USO1: variants seen among roughly 807,000 people sequenced by gnomAD.
USO1 encodes the protein USO1 vesicle transport factor.
In USO1, 57 loss-of-function variants were observed where a neutral mutation model predicts 124.5. The ratio of observed to expected loss-of-function variants is 0.46; its 90% CI spans 0.37 to 0.57. The LOEUF is 0.57. Ranked by LOEUF, USO1 falls within the 20% of genes least tolerant of loss-of-function variation. USO1 has a pLI of 0.00. For synonymous variants in USO1, 369 were observed against 362.8 expected, an observed-to-expected ratio of 1.02 and a Z score of -0.19; for missense variants, 900 against 1,040.6, an observed-to-expected ratio of 0.86 and a Z score of 1.86.
In USO1 at chr4:75,787,117, A is replaced by T; in HGVS notation, c.911A>T (p.Gln304Leu). Residue 304 changes from glutamine (Q) to leucine (L), a missense_variant, in exon 10 of 24, where the codon CAG (glutamine) becomes CTG (leucine). Gln to Leu is a moderately radical substitution (Grantham distance 113). Coordinates refer to ENST00000514213, the MANE Select transcript of USO1 (RefSeq NM_003715.4). Reference sequence around the variant, plus strand: ...CCTCCTGGTGCTACCAGTAGCTGCCAGAAGGCTATGTTCCAGTGTGGGTTA... The same window carrying T: ...CCTCCTGGTGCTACCAGTAGCTGCCTGAAGGCTATGTTCCAGTGTGGGTTA... ...TNPPGATSSC[Q>L]KAMFQCGLLQ... The T allele has an allele frequency of 6.2e-7, 1 of 1,607,950 alleles. No individual in the cohort carries two copies. The highest frequency in any genetic ancestry group is 8.5e-7 in the Non-Finnish European group (1 of 1,177,434).
At chr4:75,808,396 G>C (rs936110424) in intron 20 of USO1, among the ~76,000 whole-genome samples, 3 of 152,096 alleles carry the variant, frequency 2.0e-5, no homozygotes, top group African/African-American at 7.2e-5. Context: ...TTGAGACAGG[G>C]ATCTGATGAT....
chr4:75,812,513 A>G lies in USO1; in HGVS notation c.2799+138A>G, dbSNP rs114672433. 1.3e-3 allele frequency: 1,485 copies of G among 1,130,550 alleles called. 24 individuals carry two copies. In the African/African-American group the frequency reaches 0.021, roughly 16 times the overall value. The allele number at this position is 1,130,550 out of a possible 1,614,324, so 70.0% of individuals were successfully genotyped here. ...TGGGTTCATGAATATGGTACCATCT[A>G]TACTGTTTTCACTGTTTTCATTGAA... is the stretch of plus-strand genomic sequence containing the variant. On this transcript the variant is annotated intron_variant, in intron 23 of 23. Coordinates refer to ENST00000514213, the MANE Select transcript of USO1 (RefSeq NM_003715.4).
intron 1 of USO1, among the ~76,000 whole-genome samples, chr4:75,751,947 G>A (rs1352859190): frequency 3.3e-5 from 5 of 151,792 alleles, no homozygotes; most frequent in Non-Finnish European, 5.9e-5. Context: ...ACTTCTTCTT[G>A]TTCAGATATA....
chr4:75,737,676 G>A (rs979780287), intron 1 of USO1, among the ~76,000 whole-genome samples: 1 of 152,118 alleles, frequency 6.6e-6, no homozygotes, highest in Admixed American at 6.5e-5. Flanking sequence ...AGCCTGTACA[G>A]CAGAGCAAGA....
In USO1 at chr4:75,782,989, T is replaced by C. The variant is rs1416467796; in HGVS notation, c.855+131T>C. The C allele has an allele frequency of 4.7e-6, 6 of 1,268,850 alleles. No homozygotes were observed. The African/African-American group carries it at 9.5e-5, about 20-fold the overall frequency. The allele number at this position is 1,268,850 out of a possible 1,614,324, so 78.6% of individuals were successfully genotyped here. A position where few individuals can be genotyped will look rare whatever the true frequency, so the allele number is the denominator to read the frequency against. ...AGGTTGGCTTAAAAAAACTGTAATA[T>C]GGAAATTTGCAGTTATCCTCTAGCT... On this transcript the variant is annotated intron_variant, in intron 9 of 23. Transcript: ENST00000514213.
At chr4:75,751,603 G>A (rs1323771686) in intron 1 of USO1, among the ~76,000 whole-genome samples, 2 of 150,510 alleles carry the variant, frequency 1.3e-5, no homozygotes, top group East Asian at 4.0e-4. Flanking sequence ...GGCCGAGGCG[G>A]GTGGATCACC....
intron 1 of USO1, among the ~76,000 whole-genome samples, chr4:75,725,443 G>C (rs976817122): frequency 6.6e-6 from 1 of 152,034 alleles, no homozygotes; most frequent in South Asian, 2.1e-4. Context: ...TGGAAGAGCG[G>C]TCGTTCTGCC....
intron 1 of USO1, among the ~76,000 whole-genome samples, chr4:75,747,696 G>A (rs2904018): frequency 0.75 from 108,975 of 144,696 alleles, 41,484 homozygotes; most frequent in East Asian, 0.82. Context: ...TGCAAGCTCC[G>A]CCTCCTGGGT....
intron 18 of USO1, 33 bp from the exon 19 acceptor site, chr4:75,805,107 G>A (rs368550753): frequency 3.8e-5 from 58 of 1,515,040 alleles, no homozygotes; most frequent in South Asian, 3.4e-4. Flanking sequence ...GAAGTTTCCC[G>A]TTGGCTTTTA....
chr4:75,782,533 G>A, intron 8 of USO1, 147 bp from the exon 9 acceptor site: 1 of 1,067,150 alleles, frequency 9.4e-7, no homozygotes, highest in South Asian at 1.8e-5. Flanking sequence ...TATGGCCTGT[G>A]GCCATCAGGT....
chr4:75,731,488 C>T (rs10009902), intron 1 of USO1, among the ~76,000 whole-genome samples: 1 of 151,912 alleles, frequency 6.6e-6, no homozygotes, highest in Non-Finnish European at 1.5e-5. Flanking sequence ...CTTGAACCCA[C>T]GAGGTGGAGG....
At chr4:75,736,623 GTGT>G (rs1406793157) in intron 1 of USO1, among the ~76,000 whole-genome samples, 1 of 152,098 alleles carries the variant, frequency 6.6e-6, no homozygotes, top group Non-Finnish European at 1.5e-5. Flanking sequence ...TTTCATTGAT[GTGT>G]TTGGAGATCT....
In USO1 at chr4:75,737,931, G is replaced by A. The variant is rs538474939; in HGVS notation, c.66+13046G>A. Among the ~76,000 whole-genome samples, 524 of 151,774 alleles carry A rather than the reference G, an allele frequency of 3.5e-3. 4 individuals are homozygous for A. Among genetic ancestry groups the A allele is most frequent in the Non-Finnish European group, 5.9e-3 (399 of 67,934 alleles). On this transcript the variant is annotated intron_variant, in intron 1 of 23. Coordinates refer to ENST00000514213, the MANE Select transcript of USO1 (RefSeq NM_003715.4). ...CAACCTCCACCTCCCAGGTTCAAGCGATTCTCCTGCCTCAGCCTCCTGAGT... is the reference window on the plus strand; with the variant it reads ...CAACCTCCACCTCCCAGGTTCAAGCAATTCTCCTGCCTCAGCCTCCTGAGT...
chr4:75,758,126 G>A (rs1310464443), intron 4 of USO1, among the ~76,000 whole-genome samples: 1 of 151,690 alleles, frequency 6.6e-6, no homozygotes, highest in Non-Finnish European at 1.5e-5. Flanking sequence ...TAAAATATTT[G>A]CACACTTAAC....
chr4:75,813,758 T>C lies in USO1; in HGVS notation c.*463T>C, dbSNP rs1032743918. ...TAGTTTATTTAAAAGCAAGATAGCC[T>C]GGGTTGGGAGTTAGTGCATATCATC... On this transcript the variant is annotated 3_prime_UTR_variant, in exon 24 of 24. Coordinates refer to ENST00000514213, the MANE Select transcript of USO1 (RefSeq NM_003715.4). 1.3e-5 allele frequency: 2 copies of C among 152,962 alleles called. No homozygotes were observed. Among genetic ancestry groups the C allele is most frequent in the African/African-American group, 4.8e-5 (2 of 41,454 alleles). 9.5% of individuals were successfully genotyped at this position (152,962 alleles called of 1,614,324 possible).
chr4:75,734,529 G>A (rs1242874241), intron 1 of USO1, among the ~76,000 whole-genome samples: 1 of 151,994 alleles, frequency 6.6e-6, no homozygotes, highest in East Asian at 1.9e-4. Context: ...GTGTAGCTTT[G>A]TAGTATAGTT....
rs539762481 is a variant in USO1 at position 75,813,604 on chromosome 4, CGTT to C, written c.*313_*315del. On this transcript the variant is annotated 3_prime_UTR_variant, in exon 24 of 24. Transcript: ENST00000514213. ...ACAATGCTATTTGCCTTAGTTCATTCGTTGTTTACTTTGCAAAATTTGTGACTT... is the reference window on the plus strand; with the variant it reads ...ACAATGCTATTTGCCTTAGTTCATTCGTTTACTTTGCAAAATTTGTGACTT... 907 of 189,978 alleles carry C rather than the reference CGTT, an allele frequency of 4.8e-3. 17 individuals carry two copies. Among genetic ancestry groups the C allele is most frequent in the African/African-American group, 0.02 (844 of 43,014 alleles). 11.8% of individuals were successfully genotyped at this position (189,978 alleles called of 1,614,324 possible).
chr4:75,756,369 C>T (rs1721442989), intron 3 of USO1, among the ~76,000 whole-genome samples: 1 of 151,698 alleles, frequency 6.6e-6, no homozygotes, highest in African/African-American at 2.4e-5. Context: ...TTATAATCTT[C>T]TTTATTCTAT....
intron 1 of USO1, among the ~76,000 whole-genome samples, chr4:75,749,730 A>C (rs554676743): frequency 3.3e-5 from 5 of 150,394 alleles, no homozygotes; most frequent in Non-Finnish European, 7.4e-5. Flanking sequence ...GAAAGGACCC[A>C]AGTGTTTTTT....
Sources: allele counts gnomAD v4.1 joint callset (sites outside exome capture counted in the v4.1 genomes callset), GRCh38; gene constraint gnomAD v4.1.1; transcripts MANE v1.5; gene names NCBI Gene and HGNC (gene_info 2026-07-23, HGNC 2026-07-21).